Variants in MAN1A1 observed in about 807,000 individuals in gnomAD.
MAN1A1 encodes the protein mannosyl-oligosaccharide 1,2-alpha-mannosidase IA.
MAN1A1 carries 29 observed loss-of-function variants against 70.8 expected under a neutral mutation model. The observed-to-expected ratio is 0.41, with a 90% CI of 0.31 to 0.56. The LOEUF is 0.56. Among genes scored for constraint, MAN1A1 ranks in the 20% least tolerant of loss-of-function variants. The pLI, the probability that MAN1A1 is intolerant of heterozygous loss-of-function variation, is 0.29. For synonymous variants in MAN1A1, 349 were observed against 330.1 expected (o/e 1.06, Z -0.62); for missense variants, 747 against 841.3 (o/e 0.89, Z 1.39).
rs912973164 is a variant in MAN1A1, at chr6:119,215,413, A to T, written c.993-10531T>A. Reference sequence around the variant, plus strand: ...GGCCCAAAACTCTCACTTCTAGGGAATCATTAGGGTTAGAGACTGGTAATG... The same window carrying T: ...GGCCCAAAACTCTCACTTCTAGGGATTCATTAGGGTTAGAGACTGGTAATG... On this transcript the variant is annotated intron_variant, in intron 6 of 12. Coordinates refer to ENST00000368468, the MANE Select transcript of MAN1A1 (RefSeq NM_005907.4). 2.0e-5 allele frequency among the ~76,000 whole-genome samples: 3 copies of T among 152,308 alleles called. No homozygotes were observed. In the East Asian group the frequency reaches 5.8e-4, roughly 29 times the overall value.
rs1773845079 is a variant in MAN1A1 at position 119,349,569 on chromosome 6, C to T, written c.-250G>A. 5 of 985,910 alleles carry T rather than the reference C, an allele frequency of 5.1e-6. No individual in the cohort carries two copies. The highest frequency in any genetic ancestry group is 6.0e-6 in the Non-Finnish European group (5 of 830,122). 61.1% of individuals were successfully genotyped at this position (985,910 alleles called of 1,614,324 possible). On this transcript the variant is annotated 5_prime_UTR_variant, in exon 1 of 13. Coordinates refer to ENST00000368468, the MANE Select transcript of MAN1A1 (RefSeq NM_005907.4). The stretch of plus-strand genomic sequence containing the variant: ...CTGGGCAGGAGGGGCGCAGCGTGGG[C>T]GGGAGACTCGTCAACTTCGCCCGCT...
At chr6:119,276,456 A>T (rs1040833629) in intron 5 of MAN1A1, among the ~76,000 whole-genome samples, 1 of 152,238 alleles carries the variant, frequency 6.6e-6, no homozygotes, top group Admixed American at 6.5e-5. Flanking sequence ...ATCATAAGGG[A>T]CTAGACATGT....
At chr6:119,236,725 A>G (rs1774856279) in intron 6 of MAN1A1, among the ~76,000 whole-genome samples, 1 of 151,516 alleles carries the variant, frequency 6.6e-6, no homozygotes, top group South Asian at 2.1e-4. Flanking sequence ...AAAAAAAAAA[A>G]AAGGAATTTT....
intron 5 of MAN1A1, among the ~76,000 whole-genome samples, chr6:119,274,059 G>A (rs1775992196): frequency 6.6e-6 from 1 of 152,128 alleles, no homozygotes; most frequent in African/African-American, 2.4e-5. Flanking sequence ...ATTTCACTAT[G>A]GGTTGGATCC....
chr6:119,293,366 C>T (rs931685644), intron 4 of MAN1A1, among the ~76,000 whole-genome samples: 5 of 152,090 alleles, frequency 3.3e-5, no homozygotes, highest in Admixed American at 3.3e-4. Flanking sequence ...AGAAATGACC[C>T]TGCAAGGTGC....
chr6:119,349,900 G>A (rs1005077142), upstream of MAN1A1: 2 of 366,856 alleles, frequency 5.5e-6, no homozygotes, highest in Non-Finnish European at 3.8e-6. Context: ...TGCGCGGGGC[G>A]GGGAGTTTAC....
intron 11 of MAN1A1, among the ~76,000 whole-genome samples, chr6:119,183,514 T>C (rs1425481688): frequency 6.6e-6 from 1 of 152,188 alleles, no homozygotes; most frequent in East Asian, 1.9e-4. Context: ...AAGGTTTTTA[T>C]GGGAAACCCT....
chr6:119,333,423 G>A (rs987402324), intron 2 of MAN1A1, among the ~76,000 whole-genome samples: 12 of 152,116 alleles, frequency 7.9e-5, no homozygotes, highest in African/African-American at 2.9e-4. Context: ...AAGGTGACTA[G>A]TCTTCTGACG....
At chr6:119,348,362 C>T in intron 2 of MAN1A1, 101 bp downstream of exon 2, 1 of 1,195,146 alleles carries the variant, frequency 8.4e-7, no homozygotes, top group Admixed American at 2.5e-5. Flanking sequence ...CTCCATCTCC[C>T]CATACATTGC....
intron 6 of MAN1A1, among the ~76,000 whole-genome samples, chr6:119,230,886 T>C (rs1017853749): frequency 5.9e-5 from 9 of 152,210 alleles, no homozygotes; most frequent in African/African-American, 1.7e-4. Flanking sequence ...CTCCATAGTA[T>C]AGCTTATACT....
chr6:119,250,231 G>C (rs1283536467), intron 5 of MAN1A1, among the ~76,000 whole-genome samples: 6 of 152,194 alleles, frequency 3.9e-5, no homozygotes, highest in Non-Finnish European at 8.8e-5. Context: ...TGTAAAAACT[G>C]TTAATTAACT....
intron 6 of MAN1A1, among the ~76,000 whole-genome samples, chr6:119,228,371 T>C (rs1697244945): frequency 1.3e-5 from 2 of 152,216 alleles, no homozygotes. Flanking sequence ...CATTGTGGTA[T>C]TATTGACTTA....
At chr6:119,188,653 GA>G (rs1327036115) in intron 10 of MAN1A1, 76 bp from the exon 11 acceptor site, 15 of 1,305,302 alleles carry the variant, frequency 1.1e-5, no homozygotes, top group Non-Finnish European at 1.5e-5. Flanking sequence ...AATGAAACTA[GA>G]AAGTACAGTC....
intron 2 of MAN1A1, among the ~76,000 whole-genome samples, chr6:119,340,557 A>G (rs1448458309): frequency 6.6e-6 from 1 of 152,242 alleles, no homozygotes; most frequent in Non-Finnish European, 1.5e-5. Flanking sequence ...AGTCATTCAC[A>G]GGCCTTCGGA....
intron 6 of MAN1A1, among the ~76,000 whole-genome samples, chr6:119,231,555 C>G (rs891888752): frequency 6.6e-6 from 1 of 152,154 alleles, no homozygotes; most frequent in African/African-American, 2.4e-5. Flanking sequence ...TACTGAGGAG[C>G]TTTCATCTAG....
At chr6:119,307,889 G>T (rs555654805) in intron 2 of MAN1A1, among the ~76,000 whole-genome samples, 2 of 152,120 alleles carry the variant, frequency 1.3e-5, no homozygotes, top group African/African-American at 4.8e-5. Context: ...ATTATTTACG[G>T]GCCATTTACC....
chr6:119,259,825 T>C (rs901524279), intron 5 of MAN1A1, among the ~76,000 whole-genome samples: 17 of 152,150 alleles, frequency 1.1e-4, no homozygotes, highest in Non-Finnish European at 2.2e-4. Context: ...AGAAGTTCTC[T>C]TTTTCCCCAT....
intron 11 of MAN1A1, among the ~76,000 whole-genome samples, chr6:119,184,753 T>C (rs1460061491): frequency 6.6e-6 from 1 of 151,826 alleles, no homozygotes; most frequent in African/African-American, 2.4e-5. Context: ...AATCCCTAGG[T>C]AAGGCTTTAC....
chr6:119,348,271 T>G (rs1773790263), intron 2 of MAN1A1, among the ~76,000 whole-genome samples, 192 bp downstream of exon 2: 3 of 152,132 alleles, frequency 2.0e-5, no homozygotes, highest in African/African-American at 7.2e-5. Context: ...TGACCTTAGA[T>G]CTTACTGGAC....
Sources: allele counts gnomAD v4.1 joint callset (sites outside exome capture counted in the v4.1 genomes callset), GRCh38; gene constraint gnomAD v4.1.1; transcripts MANE v1.5; gene names NCBI Gene and HGNC (gene_info 2026-07-23, HGNC 2026-07-21).